EBF1: variants seen among roughly 807,000 people sequenced by gnomAD.
EBF1 encodes EBF transcription factor 1.
EBF1 carries 10 observed loss-of-function variants against 68.4 expected under a neutral mutation model. The observed-to-expected ratio is 0.15, with a 90% CI of 0.09 to 0.25. EBF1 has a LOEUF of 0.25. Among genes scored for constraint, EBF1 ranks in the 10% least tolerant of loss-of-function variants. The pLI, the probability that EBF1 is intolerant of heterozygous loss-of-function variation, is 1.00. For synonymous variants in EBF1, 298 were observed against 299.8 expected, an observed-to-expected ratio of 0.99 and a Z score of 0.06; for missense variants, 509 against 794.4, an observed-to-expected ratio of 0.64 and a Z score of 4.32.
intron 6 of EBF1, among the ~76,000 whole-genome samples, chr5:158,963,940 T>A (rs1217742714): frequency 4.6e-5 from 7 of 152,144 alleles, no homozygotes; most frequent in Non-Finnish European, 7.4e-5. Flanking sequence ...AGCTCGCTGC[T>A]GGGGATGGGG....
rs562776174 is a variant in EBF1 at position 158,846,527 on chromosome 5, C to T, written c.555-6417G>A. Among the ~76,000 whole-genome samples the T allele has an allele frequency of 3.3e-5, 5 of 152,316 alleles. No individual in the cohort carries two copies. In the South Asian group the frequency reaches 8.3e-4, roughly 25 times the overall value. ...GAAGGTCATCACTACCTCCTGGTAG[C>T]CTTCAAAGACACAGAGCTCTGAGAA... On this transcript the variant is annotated intron_variant, in intron 6 of 15. Coordinates refer to ENST00000313708, the MANE Select transcript of EBF1 (RefSeq NM_024007.5).
intron 6 of EBF1, among the ~76,000 whole-genome samples, chr5:158,857,784 G>T (rs1438554312): frequency 6.6e-6 from 1 of 152,042 alleles, no homozygotes; most frequent in Non-Finnish European, 1.5e-5. Flanking sequence ...CTAGTAGAAG[G>T]GTCACTGCCT....
intron 10 of EBF1, among the ~76,000 whole-genome samples, chr5:158,735,953 T>A (rs1014398860): frequency 1.3e-5 from 2 of 152,220 alleles, no homozygotes; most frequent in African/African-American, 4.8e-5. Flanking sequence ...AAATGCTATA[T>A]GCAAAGAAAA....
At chr5:158,738,757 C>A (rs1168197514) in intron 10 of EBF1, among the ~76,000 whole-genome samples, 1 of 152,194 alleles carries the variant, frequency 6.6e-6, no homozygotes, top group Non-Finnish European at 1.5e-5. Flanking sequence ...CTTTATTATT[C>A]CAAGATGACT....
At chr5:158,997,253 C>T (rs1284869782) in intron 6 of EBF1, among the ~76,000 whole-genome samples, 2 of 152,140 alleles carry the variant, frequency 1.3e-5, no homozygotes, top group African/African-American at 4.8e-5. Flanking sequence ...CCCCAGGGGT[C>T]TCTCACTCCC....
intron 6 of EBF1, chr5:158,941,210 A>G (rs1021966744): frequency 1.8e-5 from 8 of 455,890 alleles, no homozygotes; most frequent in Non-Finnish European, 3.5e-5. Flanking sequence ...CTCATTCCAG[A>G]CACACACATT....
At chr5:158,894,614 G>A (rs1446343669) in intron 6 of EBF1, among the ~76,000 whole-genome samples, 1 of 152,136 alleles carries the variant, frequency 6.6e-6, no homozygotes, top group Non-Finnish European at 1.5e-5. Flanking sequence ...CCTCCTCGTT[G>A]TTTTACAGGC....
At chr5:158,816,026 T>G (rs1783669560) in intron 8 of EBF1, among the ~76,000 whole-genome samples, 1 of 152,196 alleles carries the variant, frequency 6.6e-6, no homozygotes, top group African/African-American at 2.4e-5. Flanking sequence ...AATTGGTAAA[T>G]TGTAACATGC....
chr5:158,820,171 T>C (rs1407174006), intron 8 of EBF1, among the ~76,000 whole-genome samples: 3 of 147,364 alleles, frequency 2.0e-5, no homozygotes, highest in Admixed American at 1.4e-4. Context: ...AATTAGATGG[T>C]AAAAAGTCCA....
At chr5:159,079,796 G>A (rs575206479) in intron 5 of EBF1, among the ~76,000 whole-genome samples, 1 of 151,764 alleles carries the variant, frequency 6.6e-6, no homozygotes, top group Admixed American at 6.6e-5. Context: ...GTATTTTTTG[G>A]TAGAGATGGG....
At chr5:158,950,288 C>T (rs1815683328) in intron 6 of EBF1, among the ~76,000 whole-genome samples, 1 of 152,106 alleles carries the variant, frequency 6.6e-6, no homozygotes, top group Non-Finnish European at 1.5e-5. Context: ...GTGAATGTAC[C>T]CAAGAAAAGG....
intron 6 of EBF1, among the ~76,000 whole-genome samples, chr5:158,865,714 G>T (rs1422202755): frequency 6.6e-6 from 1 of 152,116 alleles, no homozygotes; most frequent in Non-Finnish European, 1.5e-5. Context: ...CAGATCTTTT[G>T]CATATAATAC....
chr5:158,782,899 T>A (rs1366152908), intron 9 of EBF1, among the ~76,000 whole-genome samples: 1 of 152,108 alleles, frequency 6.6e-6, no homozygotes, highest in Non-Finnish European at 1.5e-5. Flanking sequence ...ATGTTAGTTA[T>A]CTGACTAGCT....
At chr5:158,704,621 CT>C (rs767917753) in intron 15 of EBF1, among the ~76,000 whole-genome samples, 1 of 151,296 alleles carries the variant, frequency 6.6e-6, no homozygotes, top group South Asian at 2.1e-4. Context: ...TGCCTTCATC[CT>C]TTTTTTCTTT....
In EBF1 at chr5:158,731,105, A is replaced by G. The variant is rs1165349514; in HGVS notation, c.1089T>C (p.Ile363=). 2 of 1,614,048 alleles carry G rather than the reference A, an allele frequency of 1.2e-6. No individual in the cohort carries two copies. The highest frequency in any genetic ancestry group is 2.7e-5 in the African/African-American group (2 of 74,956). The change falls in exon 11 of 16, where the codon ATT becomes ATC. Residue 363 remains isoleucine, a synonymous_variant. Transcript: ENST00000313708. ...DYGFQRLQKV[I]PRHPGDPERL... is the part of the protein sequence containing the mutation. ...GCTCAGGGTCACCAGGGTGCCGAGG[A>G]ATGACCTTCTGTAACCTCTGGAAAC...
intron 6 of EBF1, among the ~76,000 whole-genome samples, chr5:158,940,701 A>G (rs1310610292): frequency 1.4e-5 from 2 of 147,330 alleles, no homozygotes; most frequent in African/African-American, 2.5e-5. Context: ...TTACAAGGAG[A>G]GAAGATAAAA....
chr5:158,747,928 G>C lies in EBF1; in HGVS notation c.1037-16771C>G, dbSNP rs12522056. ...TCTTGCCTAAGTTGCACAGCAGTAAGAGCTGAACCAGGGCAGGCTGTCACT... is the reference window on the plus strand; with the variant it reads ...TCTTGCCTAAGTTGCACAGCAGTAACAGCTGAACCAGGGCAGGCTGTCACT... On this transcript the variant is annotated intron_variant, in intron 10 of 15. Coordinates refer to ENST00000313708, the MANE Select transcript of EBF1 (RefSeq NM_024007.5). Among the ~76,000 whole-genome samples, 1,271 of 152,260 alleles carry C rather than the reference G, an allele frequency of 8.3e-3. 20 individuals are homozygous for C. Among genetic ancestry groups the C allele is most frequent in the African/African-American group, 0.029 (1,200 of 41,546 alleles).
In EBF1 at chr5:158,728,770, A is replaced by G. The variant is rs551232436; in HGVS notation, c.1125+2299T>C. On this transcript the variant is annotated intron_variant, in intron 11 of 15. Transcript: ENST00000313708. Reference sequence around the variant, plus strand: ...TGTAGAGATAGGGTTTTGTGATGGTACCCAGGCTAGTATCCAATTCCTGGC... The same window carrying G: ...TGTAGAGATAGGGTTTTGTGATGGTGCCCAGGCTAGTATCCAATTCCTGGC... Among the ~76,000 whole-genome samples, 20 of 152,196 alleles carry G rather than the reference A, an allele frequency of 1.3e-4. No individual in the cohort carries two copies. The South Asian group carries it at 4.1e-3, about 32-fold the overall frequency.
At chr5:158,764,426 T>C (rs1470817988) in intron 10 of EBF1, among the ~76,000 whole-genome samples, 1 of 152,170 alleles carries the variant, frequency 6.6e-6, no homozygotes, top group Non-Finnish European at 1.5e-5. Flanking sequence ...TCACATCCCA[T>C]ATATTTAAGG....
Sources: gnomAD v4.1 joint callset for allele counts (sites outside exome capture counted in the v4.1 genomes callset) on GRCh38, gnomAD v4.1.1 for gene constraint, MANE v1.5 for transcripts, NCBI Gene and HGNC (gene_info 2026-07-23, HGNC 2026-07-21) for gene names.